Variants in ACOX2 observed in about 807,000 individuals in gnomAD.
ACOX2 encodes acyl-CoA oxidase 2.
In ACOX2, 59 loss-of-function variants were observed where a neutral mutation model predicts 77.5. That is an observed-to-expected ratio of 0.76 (90% CI 0.62 to 0.95). The LOEUF (loss-of-function observed/expected upper bound fraction) is 0.95. ACOX2 is among the 40% of genes least tolerant of loss of function. ACOX2 has a pLI of 0.00. For synonymous variants in ACOX2, 317 were observed against 340.1 expected (o/e 0.93, Z 0.75); for missense variants, 837 against 880.4 (o/e 0.95, Z 0.62).
At chr3:58,527,516 A>G (rs1244641796) in intron 9 of ACOX2, among the ~76,000 whole-genome samples, 1 of 135,146 alleles carries the variant, frequency 7.4e-6, no homozygotes, top group East Asian at 2.2e-4. Context: ...AGCCTGGGTG[A>G]CAGAGTGAGA....
rs980939966 is a variant in ACOX2, at chr3:58,512,028, C to T, written c.1851-3003G>A. On this transcript the variant is annotated intron_variant, in intron 13 of 14. Coordinates refer to ENST00000302819, the MANE Select transcript of ACOX2 (RefSeq NM_003500.4). This position sits in a 1 kb window ranked among gnomAD's most constrained non-coding sequence, Gnocchi z 4.8. ...CTCAAGGCTTTAAATATCAACCATACGCCAATGACTTCCAAACTTATCCCT... is the reference window on the plus strand; with the variant it reads ...CTCAAGGCTTTAAATATCAACCATATGCCAATGACTTCCAAACTTATCCCT... Among the ~76,000 whole-genome samples, 16 of 152,196 alleles carry T rather than the reference C, an allele frequency of 1.1e-4. No homozygotes were observed. The highest frequency in any genetic ancestry group is 2.1e-4 in the South Asian group (1 of 4,828).
At position 58,514,425 on chromosome 3, in the gene ACOX2, A is replaced by G. The variant is rs1034076170; in HGVS notation, c.1850+2781T>C. On this transcript the variant is annotated intron_variant, in intron 13 of 14. Transcript: ENST00000302819. This position sits in a 1 kb window ranked among gnomAD's most constrained non-coding sequence, Gnocchi z 4.3. The stretch of plus-strand genomic sequence containing the variant: ...GCTGAGGTTTTATGACCGCTTAAAC[A>G]ACTAAAAACTGTTTGGGTCAGTTAA... Among the ~76,000 whole-genome samples the G allele has an allele frequency of 6.6e-6, 1 of 152,210 alleles. No individual in the cohort carries two copies. Among genetic ancestry groups the G allele is most frequent in the African/African-American group, 2.4e-5 (1 of 41,456 alleles).
At position 58,522,555 on chromosome 3, in the gene ACOX2, C is replaced by T. The variant is rs759243203; in HGVS notation, c.1573G>A (p.Gly525Arg). The T allele has an allele frequency of 4.3e-6, 7 of 1,614,020 alleles. No individual in the cohort carries two copies. Among genetic ancestry groups the T allele is most frequent in the East Asian group, 2.2e-5 (1 of 44,894 alleles). ...TTCCAAGCCTCGTGCTGGTCAGCTCCGGATTGCGTCAGGGTCTGTAAATGC... is the reference window on the plus strand; with the variant it reads ...TTCCAAGCCTCGTGCTGGTCAGCTCTGGATTGCGTCAGGGTCTGTAAATGC... ...VQHLQTLTQS[G>R]ADQHEAWNQT... Residue 525 changes from glycine to arginine, a missense_variant, in exon 12 of 15, where the codon GGA becomes AGA. Coordinates refer to ENST00000302819, the MANE Select transcript of ACOX2 (RefSeq NM_003500.4). The surrounding 1 kb of genome is among the most constrained non-coding windows in gnomAD (Gnocchi z 4.3).
Position 58,524,637 on chromosome 3 carries a change from G to T in ACOX2, c.1347-32C>A. ...GTTGGAAGAGGAGGCAGGTGAGAGG[G>T]CAGAGACTCTGTGAGACAGCCCAGC... On this transcript the variant is annotated intron_variant, in intron 10 of 14. Transcript: ENST00000302819. This position sits in a 1 kb window ranked among gnomAD's most constrained non-coding sequence, Gnocchi z 5.5. 1 of 1,605,272 alleles carries T rather than the reference G, an allele frequency of 6.2e-7. No homozygotes were observed.
rs2063357923 is a variant in ACOX2, at chr3:58,521,475, C to T, written c.1632+1021G>A. ...CCACCCCAGCACTCTGAGGCCTGTC[C>T]CTGCCTTCTTCCCCCTTAGCATCTC... On this transcript the variant is annotated intron_variant, in intron 12 of 14. Coordinates refer to ENST00000302819, the MANE Select transcript of ACOX2 (RefSeq NM_003500.4). This position sits in a 1 kb window ranked among gnomAD's most constrained non-coding sequence, Gnocchi z 4.8. Among the ~76,000 whole-genome samples the T allele has an allele frequency of 6.6e-6, 1 of 152,180 alleles. No homozygotes were observed. Among genetic ancestry groups the T allele is most frequent in the Admixed American group, 6.5e-5 (1 of 15,286 alleles).
In ACOX2 at chr3:58,505,324, T is replaced by C. The variant is rs565407044; in HGVS notation, c.1984-38A>G. ...AGAAACGCATTATTAACACAGTACATTTCTGCCAGGATTAATGACTTTCAC... is the reference window on the plus strand; with the variant it reads ...AGAAACGCATTATTAACACAGTACACTTCTGCCAGGATTAATGACTTTCAC... On this transcript the variant is annotated intron_variant, in intron 14 of 14. Coordinates refer to ENST00000302819, the MANE Select transcript of ACOX2 (RefSeq NM_003500.4). The surrounding 1 kb of genome is among the most constrained non-coding windows in gnomAD (Gnocchi z 4.4). The C allele has an allele frequency of 6.5e-7, 1 of 1,527,722 alleles. No individual in the cohort carries two copies. Among genetic ancestry groups the C allele is most frequent in the East Asian group, 2.3e-5 (1 of 43,608 alleles). 94.6% of individuals were successfully genotyped at this position (1,527,722 alleles called of 1,614,324 possible).
chr3:58,510,979 C>T, intron 13 of ACOX2: 1 of 456,126 alleles, frequency 2.2e-6, no homozygotes, highest in South Asian at 1.5e-5. Context: ...TATTTCTTAC[C>T]ATCTCTTTGA....
Position 58,523,811 on chromosome 3 carries a change from T to C in ACOX2, c.1526+615A>G, listed in dbSNP as rs1038642200. Among the ~76,000 whole-genome samples, 4 of 152,210 alleles carry C rather than the reference T, an allele frequency of 2.6e-5. No homozygotes were observed. The South Asian group carries it at 8.3e-4, about 32-fold the overall frequency. On this transcript the variant is annotated intron_variant, in intron 11 of 14. Coordinates refer to ENST00000302819, the MANE Select transcript of ACOX2 (RefSeq NM_003500.4). The surrounding 1 kb of genome is among the most constrained non-coding windows in gnomAD (Gnocchi z 5.3). ...CGTTTTCTTTTTAGGTAGTTAAACC[T>C]CCATCTTTTCCATGGTGGTATGTGT...
Position 58,528,985 on chromosome 3 carries a change from A to T in ACOX2, c.993-29T>A, listed in dbSNP as rs2063417304. 6.3e-7 allele frequency: 1 copy of T among 1,589,196 alleles called. No individual in the cohort carries two copies. Among genetic ancestry groups the T allele is most frequent in the Non-Finnish European group, 8.6e-7 (1 of 1,166,796 alleles). ...AAGGGAAAAGAACCAGAAGATTTAGATCACTACCTGTTGTGTCCACCTTCC... is the reference window on the plus strand; with the variant it reads ...AAGGGAAAAGAACCAGAAGATTTAGTTCACTACCTGTTGTGTCCACCTTCC... On this transcript the variant is annotated intron_variant, in intron 8 of 14. Coordinates refer to ENST00000302819, the MANE Select transcript of ACOX2 (RefSeq NM_003500.4). The surrounding 1 kb of genome is among the most constrained non-coding windows in gnomAD (Gnocchi z 5.6).
rs528063383 is a variant in ACOX2 at position 58,522,675 on chromosome 3, C to T, written c.1527-74G>A. 1.5e-6 allele frequency: 2 copies of T among 1,320,340 alleles called. No individual in the cohort carries two copies. Among genetic ancestry groups the T allele is most frequent in the Non-Finnish European group, 2.2e-6 (2 of 915,134 alleles). The allele number at this position is 1,320,340 out of a possible 1,614,324, so 81.8% of individuals were successfully genotyped here. A position where few individuals can be genotyped will look rare whatever the true frequency, so the allele number is the denominator to read the frequency against. On this transcript the variant is annotated intron_variant, in intron 11 of 14. Coordinates refer to ENST00000302819, the MANE Select transcript of ACOX2 (RefSeq NM_003500.4). This position sits in a 1 kb window ranked among gnomAD's most constrained non-coding sequence, Gnocchi z 4.3. ...ACAACTGATGGGCTTCCTGTGGTCC[C>T]TCAGAAGTAGAAATAATGCCTGTTT...
Position 58,524,524 on chromosome 3 carries a change from A to C in ACOX2, c.1428T>G (p.Tyr476Ter). The change falls in exon 11 of 15, where the codon TAT (tyrosine) becomes TAG (stop). Residue 476 changes from tyrosine to a stop codon, truncating the protein, a stop_gained. Transcript: ENST00000302819. LOFTEE classifies it high-confidence loss of function. The surrounding 1 kb of genome is among the most constrained non-coding windows in gnomAD (Gnocchi z 5.5). ...ACCTGGCCAGGTCAGGTGCGGTGAG[A>C]TATGCGACAGATGGAGAGAGAGATC... is the stretch of plus-strand genomic sequence containing the variant. The part of the protein sequence containing the change: ...PQRSLSPSVA[Y>*]LTAPDLARCP... 1 of 1,614,164 alleles carries C rather than the reference A, an allele frequency of 6.2e-7. No homozygotes were observed. The highest frequency in any genetic ancestry group is 8.5e-7 in the Non-Finnish European group (1 of 1,180,032).
Position 58,534,993 on chromosome 3 carries a change from G to T in ACOX2, c.114C>A (p.Asn38Lys). The change falls in exon 2 of 15, where the codon AAC becomes AAA. Residue 38 changes from asparagine (N) to lysine (K), a missense_variant. Transcript: ENST00000302819. This position sits in a 1 kb window ranked among gnomAD's most constrained non-coding sequence, Gnocchi z 4.8. ...TGTTCTGGGCACCTCCATCAAGGAT[G>T]TTGGTGAGCCGTTCCACGTCAAAGG... ...MQSFDVERLTNILDGGAQNTA... is the reference protein window; with the variant it reads ...MQSFDVERLTKILDGGAQNTA... 1.2e-6 allele frequency: 2 copies of T among 1,614,228 alleles called. No individual in the cohort carries two copies. Among genetic ancestry groups the T allele is most frequent in the Non-Finnish European group, 1.7e-6 (2 of 1,180,034 alleles).
chr3:58,533,756 G>A lies in ACOX2; in HGVS notation c.476-204C>T, dbSNP rs534093222. On this transcript the variant is annotated intron_variant, in intron 4 of 14. Transcript: ENST00000302819. This position sits in a 1 kb window ranked among gnomAD's most constrained non-coding sequence, Gnocchi z 5.6. Reference sequence around the variant, plus strand: ...TCCCCTATAGCCAGTCCATGAGAAGGGGTGGCTGCTGATGTTTCCAGAAGG... The same window carrying A: ...TCCCCTATAGCCAGTCCATGAGAAGAGGTGGCTGCTGATGTTTCCAGAAGG... The A allele has an allele frequency of 2.1e-4, 143 of 670,422 alleles. No individual in the cohort carries two copies. The highest frequency in any genetic ancestry group is 3.3e-4 in the Non-Finnish European group (131 of 397,758). 41.5% of individuals were successfully genotyped at this position (670,422 alleles called of 1,614,324 possible). A position where few individuals can be genotyped will look rare whatever the true frequency, so the allele number is the denominator to read the frequency against.
At chr3:58,520,520 G>T (rs1209430057) in intron 12 of ACOX2, among the ~76,000 whole-genome samples, 1 of 152,270 alleles carries the variant, frequency 6.6e-6, no homozygotes, top group East Asian at 1.9e-4. Flanking sequence ...GGAAGGGGCT[G>T]CTTGAGGTCA....
rs756802998 is a variant in ACOX2 at position 58,525,535 on chromosome 3, A to C, written c.1347-930T>G. 4.6e-5 allele frequency among the ~76,000 whole-genome samples: 7 copies of C among 152,232 alleles called. No individual in the cohort carries two copies. The highest frequency in any genetic ancestry group is 8.8e-5 in the Non-Finnish European group (6 of 68,034). ...CTGCACCAAGCTTAGGCGATGCTAAAGCGAGCAAGGTAGGGGTAGTCCCTG... is the reference window on the plus strand; with the variant it reads ...CTGCACCAAGCTTAGGCGATGCTAACGCGAGCAAGGTAGGGGTAGTCCCTG... On this transcript the variant is annotated intron_variant, in intron 10 of 14. Coordinates refer to ENST00000302819, the MANE Select transcript of ACOX2 (RefSeq NM_003500.4). This position sits in a 1 kb window ranked among gnomAD's most constrained non-coding sequence, Gnocchi z 5.0.
intron 13 of ACOX2, among the ~76,000 whole-genome samples, chr3:58,511,945 G>A (rs2063291066): frequency 6.6e-6 from 1 of 152,132 alleles, no homozygotes. Flanking sequence ...TATCTTGCGA[G>A]GGTCTCAAGA....
At chr3:58,518,079 A>C (rs2063334554) in intron 12 of ACOX2, among the ~76,000 whole-genome samples, 1 of 148,934 alleles carries the variant, frequency 6.7e-6, no homozygotes, top group Non-Finnish European at 1.5e-5. Flanking sequence ...CCATCTCAAA[A>C]AAAAAAAAAA....
intron 13 of ACOX2, among the ~76,000 whole-genome samples, chr3:58,510,435 C>T (rs1048942408): frequency 1.3e-5 from 2 of 151,186 alleles, no homozygotes; most frequent in African/African-American, 4.9e-5. Context: ...GAGTTCGAGA[C>T]CAGCCTGGCC....
At position 58,534,259 on chromosome 3, in the gene ACOX2, A is replaced by G; in HGVS notation, c.323+101T>C. 2 of 1,576,534 alleles carry G rather than the reference A, an allele frequency of 1.3e-6. No homozygotes were observed. The highest frequency in any genetic ancestry group is 1.7e-6 in the Non-Finnish European group (2 of 1,163,488). ...GCACCTAGCATCCTGGTTTCCCAAC[A>G]AGTCTTCCCTTTGTTGGGGGAAATG... On this transcript the variant is annotated intron_variant, in intron 3 of 14. Transcript: ENST00000302819. This position sits in a 1 kb window ranked among gnomAD's most constrained non-coding sequence, Gnocchi z 4.8.
Sources: allele counts gnomAD v4.1 joint callset (sites outside exome capture counted in the v4.1 genomes callset), GRCh38; gene constraint gnomAD v4.1.1; non-coding constraint Gnocchi (gnomAD v3.1); transcripts MANE v1.5; gene names NCBI Gene and HGNC (gene_info 2026-07-23, HGNC 2026-07-21).